NCAM2: variants seen among roughly 807,000 people sequenced by gnomAD.
The protein encoded by NCAM2 is neural cell adhesion molecule 2.
NCAM2 carries 30 observed loss-of-function variants against 98.1 expected under a neutral mutation model. The ratio of observed to expected loss-of-function variants is 0.31; its 90% CI spans 0.23 to 0.41. The LOEUF is 0.41. NCAM2 is among the 10% of genes least tolerant of loss of function. The pLI is 1.00. For missense variants in NCAM2, 867 were observed against 1,005.8 expected, an observed-to-expected ratio of 0.86 and a Z score of 1.87; for synonymous variants, 368 against 342.4, an observed-to-expected ratio of 1.07 and a Z score of -0.83.
intron 5 of NCAM2, among the ~76,000 whole-genome samples, chr21:21,302,100 T>C (rs1057001611): frequency 1.3e-5 from 2 of 148,510 alleles, no homozygotes; most frequent in Non-Finnish European, 3.0e-5. Flanking sequence ...GACCCAGCCA[T>C]CCCATTAGTG....
intron 1 of NCAM2, among the ~76,000 whole-genome samples, chr21:21,194,534 C>G (rs1408811248): frequency 6.6e-6 from 1 of 152,130 alleles, no homozygotes; most frequent in Non-Finnish European, 1.5e-5. Flanking sequence ...CCTTATCACT[C>G]TGTTGTACAC....
At chr21:21,251,814 A>T (rs965700869) in intron 1 of NCAM2, among the ~76,000 whole-genome samples, 1 of 149,302 alleles carries the variant, frequency 6.7e-6, no homozygotes, top group Non-Finnish European at 1.5e-5. Flanking sequence ...TTGTCAGATG[A>T]GTAGATTGCA....
intron 1 of NCAM2, among the ~76,000 whole-genome samples, chr21:21,276,738 G>A (rs1170401451): frequency 6.6e-6 from 1 of 151,906 alleles, no homozygotes; most frequent in Non-Finnish European, 1.5e-5. Flanking sequence ...TTCAATTAGA[G>A]CAAATCTGGT....
chr21:21,509,721 CAAT>C (rs1340240906), intron 16 of NCAM2, among the ~76,000 whole-genome samples: 4 of 152,048 alleles, frequency 2.6e-5, no homozygotes, highest in African/African-American at 9.7e-5. Flanking sequence ...AGGGAAATTA[CAAT>C]GTTTTAATAT....
At position 21,188,702 on chromosome 21, in the gene NCAM2, G is replaced by A. The variant is rs151043478; in HGVS notation, c.56-91876G>A. ...TGTAAATTGTAGATGACAAAATTACGTAATGCCAGTGAATTGCAGGGAAGG... is the reference window on the plus strand; with the variant it reads ...TGTAAATTGTAGATGACAAAATTACATAATGCCAGTGAATTGCAGGGAAGG... On this transcript the variant is annotated intron_variant, in intron 1 of 17. Coordinates refer to ENST00000400546, the MANE Select transcript of NCAM2 (RefSeq NM_004540.5). Among the ~76,000 whole-genome samples the A allele has an allele frequency of 3.5e-3, 535 of 152,260 alleles. 4 individuals carry two copies. Among genetic ancestry groups the A allele is most frequent in the South Asian group, 0.013 (63 of 4,822 alleles).
chr21:21,120,107 C>T lies in NCAM2; in HGVS notation c.55+121489C>T, dbSNP rs374067212. ...TGCTTATTTCGTTGGAAAGGTTTCC[C>T]AGTTACGTTTGTTCCTTGTATGCTG... is the stretch of plus-strand genomic sequence containing the variant. On this transcript the variant is annotated intron_variant, in intron 1 of 17. Transcript: ENST00000400546. Among the ~76,000 whole-genome samples the T allele has an allele frequency of 7.0e-4, 106 of 152,218 alleles. No individual in the cohort carries two copies. In the Middle Eastern group the frequency reaches 0.01, roughly 15 times the overall value.
At chr21:21,293,041 A>G (rs2073352064) in intron 5 of NCAM2, among the ~76,000 whole-genome samples, 1 of 151,880 alleles carries the variant, frequency 6.6e-6, no homozygotes, top group Non-Finnish European at 1.5e-5. Flanking sequence ...CGCTGTCACA[A>G]GAAGAGCATG....
intron 1 of NCAM2, among the ~76,000 whole-genome samples, chr21:21,193,759 G>T (rs1217113602): frequency 3.9e-5 from 6 of 151,978 alleles, no homozygotes; most frequent in African/African-American, 7.2e-5. Context: ...CTCCCAAAGT[G>T]CTGGGATTAC....
At chr21:21,451,091 C>T (rs1980994269) in intron 12 of NCAM2, among the ~76,000 whole-genome samples, 1 of 152,078 alleles carries the variant, frequency 6.6e-6, no homozygotes, top group Non-Finnish European at 1.5e-5. Flanking sequence ...ATTTTGCCAG[C>T]TGCTCACTTG....
At position 21,246,131 on chromosome 21, in the gene NCAM2, A is replaced by G. The variant is rs556141682; in HGVS notation, c.56-34447A>G. On this transcript the variant is annotated intron_variant, in intron 1 of 17. Coordinates refer to ENST00000400546, the MANE Select transcript of NCAM2 (RefSeq NM_004540.5). The stretch of plus-strand genomic sequence containing the variant: ...CCCTTGCTGTCTCTTGGATCCCTCA[A>G]CTTTGGGGAAGTTATCTGCCATGCC... Among the ~76,000 whole-genome samples the G allele has an allele frequency of 1.1e-4, 16 of 152,260 alleles. No homozygotes were observed. The East Asian group carries it at 2.7e-3, about 26-fold the overall frequency.
intron 1 of NCAM2, among the ~76,000 whole-genome samples, chr21:21,032,206 C>G (rs6518039): frequency 0.72 from 109,812 of 151,934 alleles, 40,004 homozygotes; most frequent in Admixed American, 0.79. Context: ...CTTAGAAAAT[C>G]ATCTTTAGCT....
intron 1 of NCAM2, among the ~76,000 whole-genome samples, chr21:21,265,478 T>G (rs534516284): frequency 3.6e-5 from 5 of 138,894 alleles, no homozygotes; most frequent in African/African-American, 1.4e-4. Context: ...TGTATATATA[T>G]TATATATACA....
At chr21:21,169,605 A>G (rs1439847697) in intron 1 of NCAM2, among the ~76,000 whole-genome samples, 2 of 152,180 alleles carry the variant, frequency 1.3e-5, no homozygotes, top group Admixed American at 1.3e-4. Context: ...AAGAAAATCA[A>G]TAACTTGATT....
intron 13 of NCAM2, among the ~76,000 whole-genome samples, 189 bp downstream of exon 13, chr21:21,466,914 C>G (rs1983755929): frequency 6.6e-6 from 1 of 151,732 alleles, no homozygotes; most frequent in South Asian, 2.1e-4. Context: ...TAGAGCAAGG[C>G]AGAAAAAAAA....
chr21:21,210,682 T>C (rs1476132718), intron 1 of NCAM2: 1 of 1,260,082 alleles, frequency 7.9e-7, no homozygotes, highest in Non-Finnish European at 1.0e-6. Context: ...AGAGACTTAT[T>C]ACAGGACAGG....
chr21:21,347,984 C>T (rs755932886), intron 8 of NCAM2, among the ~76,000 whole-genome samples: 6 of 151,944 alleles, frequency 3.9e-5, no homozygotes, highest in Non-Finnish European at 5.9e-5. Context: ...AAGCCATATA[C>T]GACAGACCTA....
At chr21:21,442,725 T>A (rs1302570110) in intron 12 of NCAM2, among the ~76,000 whole-genome samples, 1 of 152,174 alleles carries the variant, frequency 6.6e-6, no homozygotes, top group Admixed American at 6.6e-5. Context: ...TACATATTAG[T>A]ATATATTTTC....
At chr21:21,218,427 A>G (rs928656823) in intron 1 of NCAM2, among the ~76,000 whole-genome samples, 17 of 152,326 alleles carry the variant, frequency 1.1e-4, no homozygotes, top group East Asian at 3.9e-4. Flanking sequence ...TGTAGGCAGA[A>G]TAATGGCCCC....
chr21:21,501,328 A>G (rs1272155456), intron 15 of NCAM2, among the ~76,000 whole-genome samples: 1 of 151,970 alleles, frequency 6.6e-6, no homozygotes, highest in Non-Finnish European at 1.5e-5. Context: ...TGTGTCTTCC[A>G]TAACGCAAAA....
Sources: allele counts gnomAD v4.1 joint callset (sites outside exome capture counted in the v4.1 genomes callset), GRCh38; gene constraint gnomAD v4.1.1; transcripts MANE v1.5; gene names NCBI Gene and HGNC (gene_info 2026-07-23, HGNC 2026-07-21).